The following ZP3 variants were observed in gnomAD, a reference collection of about 807,000 sequenced individuals.
ZP3 encodes zona pellucida sperm-binding protein 3.
In ZP3, 21 loss-of-function variants were observed where a neutral mutation model predicts 35.6. The ratio of observed to expected loss-of-function variants is 0.59; its 90% CI spans 0.42 to 0.85. ZP3 has a LOEUF of 0.85. Among genes scored for constraint, ZP3 ranks in the 40% least tolerant of loss-of-function variants. The probability of loss-of-function intolerance (pLI) is 0.00; values close to 1 mark genes in which losing one functional copy is unlikely to be tolerated. For missense variants in ZP3, 437 were observed against 536.5 expected (o/e 0.81, Z 1.83); for synonymous variants, 207 against 214.5 (o/e 0.96, Z 0.31).
intron 1 of ZP3, chr7:76,404,257 A>G: frequency 2.0e-6 from 3 of 1,491,706 alleles, no homozygotes; most frequent in Admixed American, 2.6e-5. Flanking sequence ...AGCTGGGACA[A>G]CTGAGATTCA....
chr7:76,406,820 A>G (rs1805050570), intron 1 of ZP3, among the ~76,000 whole-genome samples: 1 of 151,702 alleles, frequency 6.6e-6, no homozygotes, highest in African/African-American at 2.4e-5. Context: ...TTCCACCCAA[A>G]ATGGGCCGAG....
At chr7:76,427,910 C>T (rs567600485) in intron 1 of ZP3, among the ~76,000 whole-genome samples, 1 of 152,072 alleles carries the variant, frequency 6.6e-6, no homozygotes, top group Non-Finnish European at 1.5e-5. Context: ...GACTTCCTGG[C>T]CTCAAGCAAT....
At chr7:76,433,174 G>C (rs1805886590) in intron 3 of ZP3, 144 bp downstream of exon 3, 1 of 766,622 alleles carries the variant, frequency 1.3e-6, no homozygotes, top group Non-Finnish European at 2.1e-6. Flanking sequence ...GTTGGTTTTT[G>C]AGACAGTCTT....
chr7:76,427,085 C>A (rs1424031509), intron 1 of ZP3, among the ~76,000 whole-genome samples: 1 of 152,020 alleles, frequency 6.6e-6, no homozygotes, highest in Non-Finnish European at 1.5e-5. Context: ...TTCTAAAAAT[C>A]CTGATGTCCA....
At chr7:76,423,067 G>GAAAGAAAGAAAGAAAGAAAC (rs1554624531), upstream of ZP3, among the ~76,000 whole-genome samples, 475 of 143,358 alleles carry the variant, frequency 3.3e-3, 9 homozygotes, top group African/African-American at 0.012. Context: ...AAGAAAGAAA[G>GAAAGAAAGAAAGAAAGAAAC]AAAGAAAGAA....
intron 1 of ZP3, among the ~76,000 whole-genome samples, chr7:76,410,497 C>G (rs1805213751): frequency 6.7e-6 from 1 of 150,346 alleles, no homozygotes; most frequent in Admixed American, 6.7e-5. Flanking sequence ...GGATTACAGG[C>G]ATGAGCCACT....
chr7:76,421,910 G>C (rs926276649), upstream of ZP3, among the ~76,000 whole-genome samples: 1 of 151,084 alleles, frequency 6.6e-6, no homozygotes. Flanking sequence ...TTGTTGTTTT[G>C]TTTTGAGACA....
intron 4 of ZP3, 170 bp downstream of exon 4, chr7:76,433,817 G>GC (rs1805910896): frequency 7.8e-6 from 8 of 1,031,416 alleles, no homozygotes; most frequent in Non-Finnish European, 7.1e-6. Context: ...TCCTGCCTCA[G>GC]CCCCCCAAGT....
intron 1 of ZP3, among the ~76,000 whole-genome samples, chr7:76,426,648 C>T (rs769343901): frequency 3.4e-5 from 5 of 146,778 alleles, no homozygotes; most frequent in African/African-American, 7.9e-5. Flanking sequence ...GTGCCTGGCT[C>T]CCCCCCCTTC....
chr7:76,400,930 C>T, intron 1 of ZP3: 1 of 1,540,482 alleles, frequency 6.5e-7, no homozygotes. Context: ...TTAGTCATCA[C>T]TTCCTGTGGT....
At chr7:76,414,340 C>T (rs1805315318) in intron 1 of ZP3, among the ~76,000 whole-genome samples, 1 of 152,076 alleles carries the variant, frequency 6.6e-6, no homozygotes, top group African/African-American at 2.4e-5. Flanking sequence ...TTTAGTACCT[C>T]TCTAAGTCAC....
At chr7:76,437,171 CTTTTTTTTTTTTTTT>C (rs869115807) in intron 5 of ZP3, among the ~76,000 whole-genome samples, 1 of 78,718 alleles carries the variant, frequency 1.3e-5, no homozygotes, top group South Asian at 4.2e-4. Flanking sequence ...ACCCTGTGTA[CTTTTTTTTTTTTTTT>C]TTTTTTTTGG....
chr7:76,438,557 A>AAAAT (rs759616662), intron 5 of ZP3, among the ~76,000 whole-genome samples: 4 of 143,996 alleles, frequency 2.8e-5, no homozygotes, highest in South Asian at 4.3e-4. Context: ...AAAAAAAAAA[A>AAAAT]GGGTAGCGGG....
intron 1 of ZP3, among the ~76,000 whole-genome samples, chr7:76,412,466 G>T (rs1305343135): frequency 6.6e-6 from 1 of 152,138 alleles, no homozygotes; most frequent in Non-Finnish European, 1.5e-5. Context: ...AAATAGTTTT[G>T]TATCTTAATT....
chr7:76,411,893 G>A (rs927478315), intron 1 of ZP3, among the ~76,000 whole-genome samples: 3 of 152,138 alleles, frequency 2.0e-5, no homozygotes, highest in Non-Finnish European at 2.9e-5. Flanking sequence ...AAAACAGGAA[G>A]CATTCAAAAT....
chr7:76,429,699 G>T, intron 2 of ZP3, 66 bp downstream of exon 2: 1 of 1,357,396 alleles, frequency 7.4e-7, no homozygotes, highest in Non-Finnish European at 1.1e-6. Flanking sequence ...CAGGCAAGTG[G>T]GCTGGCTATG....
At chr7:76,433,270 T>A (rs943048117) in intron 3 of ZP3, among the ~76,000 whole-genome samples, 200 bp from the exon 4 acceptor site, 3 of 151,888 alleles carry the variant, frequency 2.0e-5, no homozygotes, top group African/African-American at 7.3e-5. Flanking sequence ...TTCTCCTGCC[T>A]CAGCCTCCCG....
At chr7:76,429,171 A>G in intron 1 of ZP3, 1 of 294,422 alleles carries the variant, frequency 3.4e-6, no homozygotes, top group South Asian at 3.6e-5. Context: ...CATGTGGTTG[A>G]TCCAGTCTGC....
chr7:76,430,383 G>A (rs1441351995), intron 2 of ZP3, among the ~76,000 whole-genome samples: 1 of 152,148 alleles, frequency 6.6e-6, no homozygotes, highest in Non-Finnish European at 1.5e-5. Context: ...TCCTGTGCTG[G>A]CCTCAGCATG....
Sources: allele counts gnomAD v4.1 joint callset (sites outside exome capture counted in the v4.1 genomes callset), GRCh38; gene constraint gnomAD v4.1.1; transcripts MANE v1.5; gene names NCBI Gene and HGNC (gene_info 2026-07-23, HGNC 2026-07-21).